The following ZNF420 variants were observed in gnomAD, a reference collection of about 807,000 sequenced individuals.
ZNF420 encodes the protein zinc finger protein 420, also known as ATM and p53-associated KZNF protein.
Under a neutral mutation model 44.7 loss-of-function variants are expected in ZNF420, and 31 were observed. The ratio of observed to expected loss-of-function variants is 0.69; its 90% confidence interval spans 0.52 to 0.94. The LOEUF is 0.94. Among genes scored for constraint, ZNF420 ranks in the 40% least tolerant of loss-of-function variants. The probability of loss-of-function intolerance (pLI) is 0.00; values close to 1 mark genes in which losing one functional copy is unlikely to be tolerated. For missense variants in ZNF420, 681 were observed against 827.9 expected (o/e 0.82, Z 2.18); for synonymous variants, 245 against 267.4 (o/e 0.92, Z 0.82).
chr19:37,107,177 C>T lies in ZNF420; in HGVS notation c.136+16056C>T, dbSNP rs187689667. ...CTCAGCACAGACCCTTTTCGGGTGT[C>T]GGGCTGGGGGATGTCGGGCTGGGGG... On this transcript the variant is annotated intron_variant, in intron 4 of 4. Transcript: ENST00000337995. 31 of 146,122 alleles carry T rather than the reference C, an allele frequency of 2.1e-4. 1 individual carries two copies. The highest frequency in any genetic ancestry group is 1.9e-3 in the Admixed American group (28 of 15,042). 9.1% of individuals were successfully genotyped at this position (146,122 alleles called of 1,614,324 possible). A position where few individuals can be genotyped will look rare whatever the true frequency, so the allele number is the denominator to read the frequency against.
At chr19:37,104,799 G>A (rs1220834794) in intron 4 of ZNF420, among the ~76,000 whole-genome samples, 3 of 152,152 alleles carry the variant, frequency 2.0e-5, no homozygotes, top group Non-Finnish European at 4.4e-5. Context: ...CTACATAAAT[G>A]TCTTCTTTTG....
intron 1 of ZNF420, among the ~76,000 whole-genome samples, chr19:37,045,731 A>G (rs1018668274): frequency 2.6e-5 from 4 of 152,248 alleles, no homozygotes; most frequent in African/African-American, 9.6e-5. Context: ...TTCCAGGCCA[A>G]GAACAGTGAG....
At chr19:37,068,368 G>A (rs138524287) in intron 1 of ZNF420, among the ~76,000 whole-genome samples, 8 of 152,228 alleles carry the variant, frequency 5.3e-5, no homozygotes, top group East Asian at 1.9e-4. Flanking sequence ...GGCCGGGCGC[G>A]GTGGCTCATG....
chr19:37,057,038 G>GAGTC (rs1209974145), intron 1 of ZNF420, among the ~76,000 whole-genome samples: 1 of 152,262 alleles, frequency 6.6e-6, no homozygotes, highest in African/African-American at 2.4e-5. Context: ...CCATCACAGT[G>GAGTC]AGTCCCACGG....
chr19:37,124,647 A>G (rs1005907453), intron 4 of ZNF420, among the ~76,000 whole-genome samples: 4 of 144,872 alleles, frequency 2.8e-5, no homozygotes, highest in African/African-American at 1.0e-4. Context: ...CTTCCCTTAT[A>G]TTGGATAATT....
chr19:37,073,280 T>G (rs940906802), intron 1 of ZNF420, among the ~76,000 whole-genome samples: 1 of 152,230 alleles, frequency 6.6e-6, no homozygotes, highest in Non-Finnish European at 1.5e-5. Context: ...TTAAAATTTA[T>G]AATCCTAAGT....
intron 1 of ZNF420, among the ~76,000 whole-genome samples, chr19:37,038,753 G>A (rs1246152520): frequency 6.6e-6 from 1 of 152,072 alleles, no homozygotes; most frequent in Non-Finnish European, 1.5e-5. Context: ...GGGAGTTCGA[G>A]ACCAGCCTCA....
At chr19:37,030,661 T>C (rs1365535770) in intron 1 of ZNF420, among the ~76,000 whole-genome samples, 2 of 152,216 alleles carry the variant, frequency 1.3e-5, no homozygotes, top group Non-Finnish European at 2.9e-5. Flanking sequence ...GCAGGTGCCA[T>C]ACACACACAA....
At position 37,127,959 on chromosome 19, in the gene ZNF420, C is replaced by G. The variant is rs897631211; in HGVS notation, c.968C>G (p.Ser323Cys). ...GKAFICGSQL[S>C]QHQKIHNGEK... The stretch of plus-strand genomic sequence containing the variant: ...GCTTTTATTTGTGGCTCACAGCTTT[C>G]TCAACATCAGAAAATTCATAATGGG... The change falls in exon 5 of 5, where the codon TCT (serine) becomes TGT (cysteine). Residue 323 changes from serine to cysteine, a missense_variant. Ser to Cys is a moderately radical substitution (Grantham distance 112). This residue lies in a region of ZNF420 where 350 missense variants were observed against 382.5 expected (regional missense o/e 0.92). Transcript: ENST00000337995. The G allele has an allele frequency of 1.2e-6, 2 of 1,613,726 alleles. No individual in the cohort carries two copies. Among genetic ancestry groups the G allele is most frequent in the Non-Finnish European group, 1.7e-6 (2 of 1,179,930 alleles).
chr19:37,010,206 G>C (rs2074558126), intron 1 of ZNF420, among the ~76,000 whole-genome samples: 2 of 152,212 alleles, frequency 1.3e-5, no homozygotes, highest in African/African-American at 4.8e-5. Context: ...ACTCCGGCCT[G>C]ACCTCTCCAT....
At chr19:37,095,772 A>G (rs7250507) in intron 4 of ZNF420, among the ~76,000 whole-genome samples, 1 of 151,662 alleles carries the variant, frequency 6.6e-6, no homozygotes, top group African/African-American at 2.4e-5. Context: ...CTTATTTTTT[A>G]ATTTTTAGTA....
upstream of ZNF420, among the ~76,000 whole-genome samples, chr19:37,075,679 T>C (rs573795650): frequency 6.5e-4 from 99 of 151,724 alleles, no homozygotes; most frequent in African/African-American, 2.0e-3. Context: ...GAAGCGGAGG[T>C]TGCAGTGAGC....
intron 4 of ZNF420, chr19:37,106,973 A>G (rs1230310720): frequency 2.6e-5 from 4 of 152,122 alleles, no homozygotes; most frequent in Non-Finnish European, 5.9e-5. Context: ...TGCATTAAAG[A>G]GCAGTATTAC....
At chr19:37,086,997 GCTTAGGGCCACATGTGGTGGCTTATA>G (rs926641482) in intron 2 of ZNF420, among the ~76,000 whole-genome samples, 28 of 152,184 alleles carry the variant, frequency 1.8e-4, no homozygotes, top group African/African-American at 6.5e-4. Flanking sequence ...CTTAAGAAGA[GCTTAGGGCCACATGTGGTGGCTTATA>G]CCTATAATCC....
At chr19:37,102,785 G>A (rs1333810943) in intron 4 of ZNF420, among the ~76,000 whole-genome samples, 2 of 152,104 alleles carry the variant, frequency 1.3e-5, no homozygotes, top group Non-Finnish European at 2.9e-5. Context: ...TCTTGCTGAC[G>A]TCACTCCCAT....
At chr19:37,064,569 ATAG>A (rs1183819734) in intron 1 of ZNF420, among the ~76,000 whole-genome samples, 1 of 152,176 alleles carries the variant, frequency 6.6e-6, no homozygotes, top group African/African-American at 2.4e-5. Flanking sequence ...GGAAATAATA[ATAG>A]TAGTAAAATA....
At chr19:37,054,579 T>G (rs1568431282) in intron 1 of ZNF420, among the ~76,000 whole-genome samples, 1 of 152,242 alleles carries the variant, frequency 6.6e-6, no homozygotes. Context: ...GGCATTGTAT[T>G]CAGAGAGCGT....
chr19:37,063,086 C>T (rs553594622), intron 1 of ZNF420, among the ~76,000 whole-genome samples: 5 of 120,936 alleles, frequency 4.1e-5, no homozygotes, highest in South Asian at 2.5e-4. Flanking sequence ...CTTCACTCTT[C>T]GATCTATCCA....
intron 4 of ZNF420, among the ~76,000 whole-genome samples, chr19:37,104,305 G>A (rs1969955883): frequency 6.6e-6 from 1 of 152,048 alleles, no homozygotes; most frequent in Non-Finnish European, 1.5e-5. Context: ...TCCCTACGAA[G>A]GACATGAACT....
Sources: allele counts gnomAD v4.1 joint callset (sites outside exome capture counted in the v4.1 genomes callset), GRCh38; gene constraint gnomAD v4.1.1; regional missense constraint gnomAD v4.1.1; transcripts MANE v1.5; gene names NCBI Gene and HGNC (gene_info 2026-07-23, HGNC 2026-07-21).